Variants in TMTC4 observed in about 807,000 individuals in gnomAD.
TMTC4 encodes transmembrane O-mannosyltransferase targeting cadherins 4.
Under a neutral mutation model 86.0 loss-of-function variants are expected in TMTC4, and 65 were observed. The ratio of observed to expected loss-of-function variants is 0.76; its 90% confidence interval spans 0.62 to 0.93. The LOEUF is 0.93. Ranked by LOEUF, TMTC4 falls within the 40% of genes least tolerant of loss-of-function variation. The pLI, the probability that TMTC4 is intolerant of heterozygous loss-of-function variation, is 0.00. For missense variants in TMTC4, 866 were observed against 948.1 expected (o/e 0.91, Z 1.14); for synonymous variants, 379 against 382.5 (o/e 0.99, Z 0.11).
rs963508075 is a variant in TMTC4 at position 100,604,660 on chromosome 13, C to T, written c.*334G>A. The T allele has an allele frequency of 3.6e-5, 7 of 194,182 alleles. No homozygotes were observed. The highest frequency in any genetic ancestry group is 1.2e-4 in the Admixed American group (2 of 17,082). The allele number at this position is 194,182 out of a possible 1,614,324, so 12.0% of individuals were successfully genotyped here. On this transcript the variant is annotated 3_prime_UTR_variant, in exon 19 of 19. Coordinates refer to ENST00000342624, the MANE Select transcript of TMTC4 (RefSeq NM_032813.5). ...AAGTTTAATAGTGCTAGTCCATACA[C>T]GACAAGGCTCAGATCCCAAATGTAA...
In TMTC4 at chr13:100,604,323, A is replaced by T. The variant is rs1876253874; in HGVS notation, c.*671T>A. 1 of 152,648 alleles carries T rather than the reference A, an allele frequency of 6.6e-6. No individual in the cohort carries two copies. The highest frequency in any genetic ancestry group is 1.5e-5 in the Non-Finnish European group (1 of 68,038). The allele number at this position is 152,648 out of a possible 1,614,324, so 9.5% of individuals were successfully genotyped here. A position where few individuals can be genotyped will look rare whatever the true frequency, so the allele number is the denominator to read the frequency against. On this transcript the variant is annotated 3_prime_UTR_variant, in exon 19 of 19. Coordinates refer to ENST00000342624, the MANE Select transcript of TMTC4 (RefSeq NM_032813.5). Reference sequence around the variant, plus strand: ...AACCGCTTATGTAAAATATTACATTACATAATCTCCTGTGTATTGAAATTG... The same window carrying T: ...AACCGCTTATGTAAAATATTACATTTCATAATCTCCTGTGTATTGAAATTG...
chr13:100,622,057 C>T (rs1354915876), intron 15 of TMTC4, among the ~76,000 whole-genome samples: 1 of 152,182 alleles, frequency 6.6e-6, no homozygotes, highest in Non-Finnish European at 1.5e-5. Flanking sequence ...CTTCAGGTCT[C>T]ACAGAGAAAC....
intron 17 of TMTC4, among the ~76,000 whole-genome samples, chr13:100,610,861 C>T (rs1273308541): frequency 2.0e-5 from 3 of 152,216 alleles, no homozygotes; most frequent in Non-Finnish European, 4.4e-5. Flanking sequence ...CCCAGGCTGA[C>T]AGATGGCTGG....
intron 10 of TMTC4, chr13:100,635,770 C>T (rs1327746694): frequency 2.6e-5 from 4 of 152,910 alleles, no homozygotes; most frequent in Admixed American, 1.3e-4. Context: ...CTGATCATTC[C>T]CAATGTCCCC....
Position 100,663,033 on chromosome 13 carries a change from C to T in TMTC4, c.483G>A (p.Leu161=), listed in dbSNP as rs756573999. 4.1e-5 allele frequency: 66 copies of T among 1,614,050 alleles called. No individual in the cohort carries two copies. Among genetic ancestry groups the T allele is most frequent in the Non-Finnish European group, 5.0e-5 (59 of 1,180,028 alleles). The change falls in exon 5 of 19, where the codon CTG becomes CTA. Residue 161 remains leucine (L), a synonymous_variant. Coordinates refer to ENST00000342624, the MANE Select transcript of TMTC4 (RefSeq NM_032813.5). The part of the protein sequence containing the change: ...GLQYTSKGRR[L]HLAPRASLLA... ...GCAGGGACGCCCTGGGGGCGAGGTGCAGCCTCCGGCCTTTACTGGTGTACT... is the reference window on the plus strand; with the variant it reads ...GCAGGGACGCCCTGGGGGCGAGGTGTAGCCTCCGGCCTTTACTGGTGTACT...
At position 100,604,867 on chromosome 13, in the gene TMTC4, T is replaced by C. The variant is rs1484330266; in HGVS notation, c.*127A>G. ...GCTATAATCTTTTTGCATGTCTTTG[T>C]TTTCATAGAAAAAAATCAGTAAAAT... On this transcript the variant is annotated 3_prime_UTR_variant, in exon 19 of 19. Transcript: ENST00000342624. 2 of 1,126,292 alleles carry C rather than the reference T, an allele frequency of 1.8e-6. No homozygotes were observed. The highest frequency in any genetic ancestry group is 2.4e-6 in the Non-Finnish European group (2 of 837,796). 69.8% of individuals were successfully genotyped at this position (1,126,292 alleles called of 1,614,324 possible).
rs60522457 is a variant in TMTC4 at position 100,632,015 on chromosome 13, C to CCACACACACA, written c.1506+2780_1506+2789dup. Among the ~76,000 whole-genome samples, 195 of 99,290 alleles carry CCACACACACA rather than the reference C, an allele frequency of 2.0e-3. 3 individuals are homozygous for CCACACACACA. The highest frequency in any genetic ancestry group is 5.5e-3 in the Middle Eastern group (1 of 182). 65.1% of individuals were successfully genotyped at this position (99,290 alleles called of 152,430 possible). On this transcript the variant is annotated intron_variant, in intron 12 of 18. Coordinates refer to ENST00000342624, the MANE Select transcript of TMTC4 (RefSeq NM_032813.5). ...ATGTATTCCTTAAATTAAGAGGAAA[C>CCACACACACA]CACACACACACACACACACACACAC... is the stretch of plus-strand genomic sequence containing the variant.
chr13:100,612,447 G>A lies in TMTC4; in HGVS notation c.2015C>T (p.Ser672Phe). 1 of 1,611,474 alleles carries A rather than the reference G, an allele frequency of 6.2e-7. No individual in the cohort carries two copies. The highest frequency in any genetic ancestry group is 2.2e-5 in the East Asian group (1 of 44,698). The change falls in exon 17 of 19, where the codon TCT (serine) becomes TTT (phenylalanine). Residue 672 changes from serine to phenylalanine, a missense_variant. By Grantham distance (155) the Ser-to-Phe change is radical. Transcript: ENST00000342624. ...CACGTTTGCCAACGAGAACATGAGA[G>A]AGTGATCATTAGGTATTAATTCCAG... ...EALELIPNDH[S>F]LMFSLANVLG...
Position 100,663,146 on chromosome 13 carries a change from C to G in TMTC4, c.370G>C (p.Val124Leu), listed in dbSNP as rs377347768. 5 of 1,614,138 alleles carry G rather than the reference C, an allele frequency of 3.1e-6. No individual in the cohort carries two copies. The East Asian group carries it at 8.9e-5, about 29-fold the overall frequency. ...NYYLSGGFHP[V>L]GFHVVNILLH... is the part of the protein sequence containing the mutation. ...AGGATGTTGACCACGTGAAAGCCCA[C>G]GGGGTGGAAGCCTCCCGAGAGGTAG... Residue 124 changes from valine (V) to leucine (L), a missense_variant, in exon 5 of 19, where the codon GTG becomes CTG. Transcript: ENST00000342624.
At chr13:100,642,848 AC>A (rs1334941109) in intron 6 of TMTC4, among the ~76,000 whole-genome samples, 1 of 151,966 alleles carries the variant, frequency 6.6e-6, no homozygotes, top group African/African-American at 2.4e-5. Flanking sequence ...AACAGCTCCA[AC>A]CCCTACCAAA....
rs1286093223 is a variant in TMTC4, at chr13:100,625,551, T to TA, written c.1819dup (p.Tyr607LeufsTer46). The TA allele has an allele frequency of 6.2e-7, 1 of 1,614,018 alleles. No individual in the cohort carries two copies. The highest frequency in any genetic ancestry group is 8.5e-7 in the Non-Finnish European group (1 of 1,180,052). On this transcript the variant is annotated frameshift_variant, in exon 15 of 19. Coordinates refer to ENST00000342624, the MANE Select transcript of TMTC4 (RefSeq NM_032813.5). LOFTEE classifies it high-confidence loss of function. ...CGCGCTTACCAGACGCCCGAGGTTG[T>TA]AGTAACAGTCTGGGTATTTCCTTCT... is the stretch of plus-strand genomic sequence containing the variant.
chr13:100,633,878 C>A (rs546939332), intron 12 of TMTC4, among the ~76,000 whole-genome samples: 1 of 152,270 alleles, frequency 6.6e-6, no homozygotes, highest in East Asian at 1.9e-4. Flanking sequence ...CAGTGGCTCA[C>A]GCCTGTAATC....
At chr13:100,674,702 C>A (rs1374510872) in intron 1 of TMTC4, 42 bp downstream of exon 1, 1 of 983,424 alleles carries the variant, frequency 1.0e-6, no homozygotes, top group African/African-American at 1.8e-5. Context: ...TCCGCTCGCC[C>A]CGCGGCGCGC....
chr13:100,659,798 C>A (rs907675188), intron 5 of TMTC4, among the ~76,000 whole-genome samples: 1 of 149,818 alleles, frequency 6.7e-6, no homozygotes, highest in African/African-American at 2.5e-5. Context: ...AAGCAGAGGC[C>A]AGGAGGGGGC....
intron 15 of TMTC4, among the ~76,000 whole-genome samples, chr13:100,621,251 A>G (rs182041437): frequency 1.6e-4 from 24 of 152,082 alleles, no homozygotes; most frequent in Non-Finnish European, 3.1e-4. Context: ...CTATTTTCCA[A>G]ATCCCAAGGA....
chr13:100,627,815 G>A (rs534060166), intron 12 of TMTC4, among the ~76,000 whole-genome samples: 1 of 152,284 alleles, frequency 6.6e-6, no homozygotes, highest in Admixed American at 6.5e-5. Context: ...CCATGTTTAT[G>A]TTCATATGAA....
At chr13:100,645,725 C>CT (rs1484247452) in intron 6 of TMTC4, among the ~76,000 whole-genome samples, 1 of 152,200 alleles carries the variant, frequency 6.6e-6, no homozygotes, top group Admixed American at 6.5e-5. Context: ...TGATCACAGT[C>CT]TATCACAATA....
At chr13:100,631,774 G>A (rs1881396311) in intron 12 of TMTC4, among the ~76,000 whole-genome samples, 1 of 152,034 alleles carries the variant, frequency 6.6e-6, no homozygotes, top group African/African-American at 2.4e-5. Flanking sequence ...GAAATAATGG[G>A]ACTGAAGGAA....
chr13:100,613,824 CT>C (rs1486054952), intron 16 of TMTC4, among the ~76,000 whole-genome samples: 98 of 129,940 alleles, frequency 7.5e-4, no homozygotes, highest in Admixed American at 2.0e-3. Context: ...CTCCCTCCCC[CT>C]CTCCCCCCTA....
Sources: gnomAD v4.1 joint callset for allele counts (sites outside exome capture counted in the v4.1 genomes callset) on GRCh38, gnomAD v4.1.1 for gene constraint, MANE v1.5 for transcripts, NCBI Gene and HGNC (gene_info 2026-07-23, HGNC 2026-07-21) for gene names.